NPAS3: variants seen among roughly 807,000 people sequenced by gnomAD.
NPAS3 encodes the protein neuronal PAS domain-containing protein 3.
Under a neutral mutation model 73.1 loss-of-function variants are expected in NPAS3, and 14 were observed. The ratio of observed to expected loss-of-function variants is 0.19; its 90% confidence interval spans 0.13 to 0.30. NPAS3 has a LOEUF of 0.30. Among genes scored for constraint, NPAS3 ranks in the 10% least tolerant of loss-of-function variants. NPAS3 has a pLI of 1.00. For synonymous variants in NPAS3, 620 were observed against 541.5 expected (o/e 1.14, Z -2.01); for missense variants, 1,096 against 1,250.0 (o/e 0.88, Z 1.86).
chr14:33,780,042 C>T (rs182030292), intron 9 of NPAS3, among the ~76,000 whole-genome samples: 1 of 152,324 alleles, frequency 6.6e-6, no homozygotes, highest in East Asian at 1.9e-4. Context: ...GCCAGCACCT[C>T]AAAGTATGAA....
intron 2 of NPAS3, among the ~76,000 whole-genome samples, chr14:33,142,905 C>T (rs147182291): frequency 0.017 from 2,543 of 151,956 alleles, 37 homozygotes; most frequent in Non-Finnish European, 0.023. Context: ...AGTTCAAGAC[C>T]AGCCTGGCCA....
At chr14:33,741,128 G>T in intron 7 of NPAS3, among the ~76,000 whole-genome samples, 1 of 152,176 alleles carries the variant, frequency 6.6e-6, no homozygotes, top group East Asian at 1.9e-4. Flanking sequence ...TCCCAGACAA[G>T]TGTGGATGGA....
intron 2 of NPAS3, among the ~76,000 whole-genome samples, chr14:33,200,551 A>G (rs1383781308): frequency 6.7e-6 from 1 of 148,504 alleles, no homozygotes; most frequent in Non-Finnish European, 1.5e-5. Flanking sequence ...CTCCCAGCAA[A>G]GGTTATTATT....
At chr14:33,192,415 G>C (rs930224180) in intron 2 of NPAS3, among the ~76,000 whole-genome samples, 1 of 152,144 alleles carries the variant, frequency 6.6e-6, no homozygotes, top group Non-Finnish European at 1.5e-5. Flanking sequence ...TGTTGAACCA[G>C]ATAGCCTTGA....
rs1005379086 is a variant in NPAS3, at chr14:33,740,829, AT to A, written c.852+5506del. On this transcript the variant is annotated intron_variant, in intron 7 of 11. Coordinates refer to ENST00000356141, the Ensembl canonical transcript of NPAS3. ...TTTTTTGTTAAAATATCTTTCGATAATTTTTTTTTCTGAATATAAACATTTC... is the reference window on the plus strand; with the variant it reads ...TTTTTTGTTAAAATATCTTTCGATAATTTTTTTTCTGAATATAAACATTTC... 2.6e-5 allele frequency among the ~76,000 whole-genome samples: 4 copies of A among 151,538 alleles called. No homozygotes were observed. The East Asian group carries it at 5.8e-4, about 22-fold the overall frequency.
At chr14:33,508,750 G>A (rs1486468011) in intron 4 of NPAS3, among the ~76,000 whole-genome samples, 2 of 152,008 alleles carry the variant, frequency 1.3e-5, no homozygotes, top group Non-Finnish European at 2.9e-5. Flanking sequence ...TTGTTTTCAT[G>A]ACCCCACACA....
chr14:33,677,691 A>T (rs1188481758), intron 6 of NPAS3, among the ~76,000 whole-genome samples: 2 of 152,018 alleles, frequency 1.3e-5, no homozygotes, highest in Admixed American at 6.5e-5. Flanking sequence ...CACTGAAGTT[A>T]ACTGTAGTTT....
At chr14:33,110,695 A>AT (rs1566570508) in intron 2 of NPAS3, among the ~76,000 whole-genome samples, 1 of 152,034 alleles carries the variant, frequency 6.6e-6, no homozygotes, top group Non-Finnish European at 1.5e-5. Context: ...TCAGCACAAC[A>AT]TTTTTTCCTA....
intron 4 of NPAS3, among the ~76,000 whole-genome samples, chr14:33,386,318 G>T (rs576063368): frequency 6.6e-6 from 1 of 152,110 alleles, no homozygotes; most frequent in South Asian, 2.1e-4. Context: ...CATCAAAATG[G>T]CCCCAATGTC....
At chr14:33,097,276 C>G (rs916214556) in intron 2 of NPAS3, among the ~76,000 whole-genome samples, 1 of 152,100 alleles carries the variant, frequency 6.6e-6, no homozygotes, top group Non-Finnish European at 1.5e-5. Flanking sequence ...TTAGTTTTAT[C>G]TACTCTTGAA....
In NPAS3 at chr14:33,541,602, C is replaced by T. The variant is rs112063290; in HGVS notation, c.469-18519C>T. The stretch of plus-strand genomic sequence containing the variant: ...CTCCCTGAGACAGTGTAAGGATACT[C>T]GTTGGCTCAGTGGCTGTCTCTAAAA... On this transcript the variant is annotated intron_variant, in intron 4 of 11. Transcript: ENST00000356141. Among the ~76,000 whole-genome samples the T allele has an allele frequency of 2.8e-4, 42 of 152,304 alleles. 1 individual carries two copies. Among genetic ancestry groups the T allele is most frequent in the African/African-American group, 8.7e-4 (36 of 41,562 alleles).
chr14:33,587,086 C>G (rs2056888378), intron 5 of NPAS3, among the ~76,000 whole-genome samples: 1 of 152,184 alleles, frequency 6.6e-6, no homozygotes, highest in South Asian at 2.1e-4. Context: ...GCCTTACTTT[C>G]CCCATCTGTA....
chr14:33,741,032 A>G (rs76112095), intron 7 of NPAS3, among the ~76,000 whole-genome samples: 3,968 of 152,212 alleles, frequency 0.026, 189 homozygotes, highest in African/African-American at 0.089. Flanking sequence ...GCCCAGCACT[A>G]ATGTAGGGAG....
At chr14:33,321,075 C>G (rs1019717549) in intron 3 of NPAS3, among the ~76,000 whole-genome samples, 1 of 152,054 alleles carries the variant, frequency 6.6e-6, no homozygotes, top group African/African-American at 2.4e-5. Flanking sequence ...ATTTTGTTAT[C>G]AGGGCTTTGC....
At chr14:33,229,812 G>A (rs1197122895) in intron 3 of NPAS3, among the ~76,000 whole-genome samples, 1 of 152,176 alleles carries the variant, frequency 6.6e-6, no homozygotes, top group African/African-American at 2.4e-5. Flanking sequence ...TCAGGAAAGG[G>A]GGGTTGCACA....
At chr14:33,448,171 G>T (rs1294269067) in intron 4 of NPAS3, among the ~76,000 whole-genome samples, 1 of 152,164 alleles carries the variant, frequency 6.6e-6, no homozygotes, top group African/African-American at 2.4e-5. Flanking sequence ...ACTGATTAGG[G>T]TTGAAACTTA....
At chr14:33,610,816 G>C (rs1348122675) in intron 5 of NPAS3, among the ~76,000 whole-genome samples, 2 of 152,192 alleles carry the variant, frequency 1.3e-5, no homozygotes, top group African/African-American at 2.4e-5. Flanking sequence ...TTAGCAAGGA[G>C]CTAGGAGAGG....
chr14:32,945,691 C>G (rs746457549), intron 1 of NPAS3, among the ~76,000 whole-genome samples: 1 of 152,168 alleles, frequency 6.6e-6, no homozygotes, highest in Non-Finnish European at 1.5e-5. Context: ...AAGACCAGTT[C>G]ACTATGGGTA....
intron 3 of NPAS3, among the ~76,000 whole-genome samples, chr14:33,235,538 T>A (rs1286655357): frequency 6.6e-6 from 1 of 152,006 alleles, no homozygotes; most frequent in Non-Finnish European, 1.5e-5. Context: ...AAGGAGAAAG[T>A]AAAAGCTGGG....
Sources: allele counts gnomAD v4.1 joint callset (sites outside exome capture counted in the v4.1 genomes callset), GRCh38; gene constraint gnomAD v4.1.1; transcripts MANE v1.5; gene names NCBI Gene and HGNC (gene_info 2026-07-23, HGNC 2026-07-21).